Variants in ACTR2 observed in about 807,000 individuals in gnomAD.
ACTR2 encodes the protein actin related protein 2.
A neutral mutation model predicts 50.2 loss-of-function variants in ACTR2; 5 were observed. The ratio of observed to expected loss-of-function variants is 0.10; its 90% confidence interval spans 0.05 to 0.21. ACTR2 has a LOEUF of 0.21. Among genes scored for constraint, ACTR2 ranks in the 10% least tolerant of loss-of-function variants. ACTR2 has a pLI of 1.00. For synonymous variants in ACTR2, 140 were observed against 162.9 expected (o/e 0.86, Z 1.07); for missense variants, 180 against 480.6 (o/e 0.37, Z 5.85).
At chr2:65,250,892 T>G in intron 3 of ACTR2, 135 bp from the exon 4 acceptor site, 1 of 512,248 alleles carries the variant, frequency 2.0e-6, no homozygotes, top group Non-Finnish European at 3.4e-6. Flanking sequence ...GAGGAGCTGA[T>G]GAAAATGGAA....
At chr2:65,259,657 A>G (rs1477949918) in intron 6 of ACTR2, among the ~76,000 whole-genome samples, 2 of 152,218 alleles carry the variant, frequency 1.3e-5, no homozygotes, top group African/African-American at 4.8e-5. Flanking sequence ...TGAACCCAGT[A>G]GGCAGAGGTT....
Position 65,246,526 on chromosome 2 carries a change from T to A in ACTR2, c.162T>A (p.Asp54Glu). 1 of 1,595,432 alleles carries A rather than the reference T, an allele frequency of 6.3e-7. No individual in the cohort carries two copies. The highest frequency in any genetic ancestry group is 8.5e-7 in the Non-Finnish European group (1 of 1,172,006). ...TTKVGNIEIK[D>E]LMVGDEASEL... is the part of the protein sequence containing the mutation. ...ACAGCTTTGACATAATTTTCTAGGA[T>A]CTTATGGTTGGTGATGAGGCAAGTG... is the stretch of plus-strand genomic sequence containing the variant. The change falls in exon 3 of 9, where the codon GAT becomes GAA. Residue 54 changes from aspartate to glutamate, a missense_variant and splice_region_variant. Physicochemically the swap from Asp to Glu is conservative, Grantham distance 45. Transcript: ENST00000260641.
chr2:65,240,644 A>G (rs959382323), intron 2 of ACTR2, among the ~76,000 whole-genome samples: 1 of 152,206 alleles, frequency 6.6e-6, no homozygotes, highest in East Asian at 1.9e-4. Context: ...AGGAGTTACA[A>G]TATTTGACAA....
At chr2:65,240,782 A>G (rs1671827089) in intron 2 of ACTR2, among the ~76,000 whole-genome samples, 1 of 152,182 alleles carries the variant, frequency 6.6e-6, no homozygotes, top group Non-Finnish European at 1.5e-5. Context: ...TGAACACGCT[A>G]GCATTGTTTG....
intron 1 of ACTR2, chr2:65,228,198 C>T (rs1671565381): frequency 5.0e-6 from 2 of 399,986 alleles, no homozygotes; most frequent in South Asian, 7.9e-5. Context: ...CGGGCGAGAC[C>T]GGCACTGGAC....
At chr2:65,230,824 T>C (rs1350681033) in intron 1 of ACTR2, among the ~76,000 whole-genome samples, 3 of 151,994 alleles carry the variant, frequency 2.0e-5, no homozygotes, top group Admixed American at 6.5e-5. Flanking sequence ...GAGGCCGAGG[T>C]AGGAGGTTCA....
intron 1 of ACTR2, among the ~76,000 whole-genome samples, chr2:65,230,942 T>A (rs1458686715): frequency 6.6e-6 from 1 of 151,640 alleles, no homozygotes; most frequent in African/African-American, 2.4e-5. Context: ...AAATCCCAGC[T>A]ACTTGGGAGG....
intron 5 of ACTR2, 50 bp downstream of exon 5, chr2:65,253,914 C>T: frequency 6.7e-7 from 1 of 1,493,904 alleles, no homozygotes; most frequent in Non-Finnish European, 9.2e-7. Context: ...ATTTGTTTAC[C>T]ACCTTAACAC....
rs1672097064 is a variant in ACTR2, at chr2:65,253,715, G to T, written c.449-13G>T. On this transcript the variant is annotated splice_polypyrimidine_tract_variant and intron_variant, in intron 4 of 8. Coordinates refer to ENST00000260641, the MANE Select transcript of ACTR2 (RefSeq NM_005722.4). ...TTTGACTTTTTATTTAAATCCCCCT[G>T]GCTTTTATGCAGGTTTATTGACTGG... The T allele has an allele frequency of 6.2e-7, 1 of 1,606,396 alleles. No individual in the cohort carries two copies. Among genetic ancestry groups the T allele is most frequent in the East Asian group, 2.2e-5 (1 of 44,664 alleles).
chr2:65,256,874 TAAAAAAAA>T (rs57631144), intron 6 of ACTR2, among the ~76,000 whole-genome samples: 4 of 134,262 alleles, frequency 3.0e-5, no homozygotes, highest in Non-Finnish European at 3.1e-5. Context: ...TCCATGTCGG[TAAAAAAAA>T]AAAAAAAAAA....
intron 3 of ACTR2, among the ~76,000 whole-genome samples, chr2:65,248,454 C>A (rs1362515571): frequency 6.6e-6 from 1 of 151,936 alleles, no homozygotes; most frequent in Non-Finnish European, 1.5e-5. Flanking sequence ...GGGGCTGTTA[C>A]AGGAAAAGGA....
chr2:65,250,064 G>A (rs572361250), intron 3 of ACTR2, among the ~76,000 whole-genome samples: 4 of 152,142 alleles, frequency 2.6e-5, no homozygotes, highest in Non-Finnish European at 4.4e-5. Context: ...TTTTGTCTTC[G>A]AATTAAAAGA....
At chr2:65,255,775 T>C in intron 6 of ACTR2, 81 bp downstream of exon 6, 1 of 1,316,894 alleles carries the variant, frequency 7.6e-7, no homozygotes, top group Non-Finnish European at 1.0e-6. Context: ...GGAGGTTTTC[T>C]TAGAATCAGT....
rs146443867 is a variant in ACTR2, at chr2:65,255,625, C to T, written c.666C>T (p.Tyr222=). 99 of 1,613,754 alleles carry T rather than the reference C, an allele frequency of 6.1e-5. No homozygotes were observed. In the African/African-American group the frequency reaches 7.6e-4, roughly 12 times the overall value. Residue 222 remains tyrosine, a synonymous_variant, in exon 6 of 9, where the codon TAC becomes TAT. Coordinates refer to ENST00000260641, the MANE Select transcript of ACTR2 (RefSeq NM_005722.4). ...TVRMIKEKLC[Y]VGYNIEQEQK... is the part of the protein sequence containing the mutation. ...GCATGATTAAAGAAAAACTGTGTTA[C>T]GTGGGATATAATATTGAGCAAGAGC...
intron 1 of ACTR2, chr2:65,228,230 G>T (rs1259140645): frequency 5.4e-6 from 2 of 367,904 alleles, no homozygotes; most frequent in East Asian, 8.3e-5. Flanking sequence ...TGACCGCCCG[G>T]CAGGGACCTG....
intron 3 of ACTR2, among the ~76,000 whole-genome samples, chr2:65,248,465 G>A (rs1415436231): frequency 6.6e-6 from 1 of 152,196 alleles, no homozygotes; most frequent in African/African-American, 2.4e-5. Context: ...AGGAAAAGGA[G>A]ATGCTCAGAT....
chr2:65,262,394 A>AT (rs959959939), intron 7 of ACTR2, among the ~76,000 whole-genome samples: 15,844 of 137,468 alleles, frequency 0.12, 945 homozygotes, highest in Middle Eastern at 0.17. Context: ...CATGCCCAGA[A>AT]TTTTTTTTTT....
In ACTR2 at chr2:65,253,850, A is replaced by G. The variant is rs1415329466; in HGVS notation, c.571A>G (p.Arg191Gly). 1 of 1,611,556 alleles carries G rather than the reference A, an allele frequency of 6.2e-7. No homozygotes were observed. The highest frequency in any genetic ancestry group is 8.5e-7 in the Non-Finnish European group (1 of 1,178,218). Residue 191 changes from arginine to glycine, a missense_variant, in exon 5 of 9, where the codon AGA becomes GGA. By Grantham distance (125) the Arg-to-Gly change is moderately radical. Coordinates refer to ENST00000260641, the MANE Select transcript of ACTR2 (RefSeq NM_005722.4). The part of the protein sequence containing the change: ...RLDIAGRDIT[R>G]YLIKLLLLRG... ...GGATATTGCTGGGAGGGATATAACT[A>G]GATATCTTATCAAGGTAAGTGAAAG...
intron 6 of ACTR2, among the ~76,000 whole-genome samples, chr2:65,260,856 G>A (rs191568736): frequency 0.011 from 1,579 of 149,090 alleles, 38 homozygotes; most frequent in African/African-American, 0.036. Context: ...CAGCCTCCCC[G>A]AGTAGCTGGG....
Sources: allele counts gnomAD v4.1 joint callset (sites outside exome capture counted in the v4.1 genomes callset), GRCh38; gene constraint gnomAD v4.1.1; transcripts MANE v1.5; gene names NCBI Gene and HGNC (gene_info 2026-07-23, HGNC 2026-07-21).